Variants in SYNE2 observed in about 807,000 individuals in gnomAD.
SYNE2 encodes the protein nesprin-2.
A neutral mutation model predicts 856.3 loss-of-function variants in SYNE2; 431 were observed. The observed-to-expected ratio is 0.50, with a 90% confidence interval of 0.47 to 0.55. SYNE2 has a LOEUF of 0.55. Among genes scored for constraint, SYNE2 ranks in the 20% least tolerant of loss-of-function variants. The pLI is 0.00. For synonymous variants in SYNE2, 2,923 were observed against 2,872.3 expected (o/e 1.02, Z -0.56); for missense variants, 8,129 against 8,023.2 (o/e 1.01, Z -0.50).
chr14:63,850,176 G>C (rs371149146), upstream of SYNE2, among the ~76,000 whole-genome samples: 5 of 150,796 alleles, frequency 3.3e-5, no homozygotes, highest in South Asian at 1.1e-3. Context: ...CTGCCTCCTG[G>C]GTTCAAGCGA....
At chr14:63,948,768 ATGTATGTG>A (rs1292225876) in intron 6 of SYNE2, among the ~76,000 whole-genome samples, 3 of 48,126 alleles carry the variant, frequency 6.2e-5, no homozygotes, top group African/African-American at 2.3e-4. Context: ...ATGTATATAT[ATGTATGTG>A]TGTGTGTATA....
chr14:63,784,006 C>T (rs1887421464), intron 1 of SYNE2, among the ~76,000 whole-genome samples: 1 of 152,102 alleles, frequency 6.6e-6, no homozygotes, highest in South Asian at 2.1e-4. Context: ...CACAGTTGCC[C>T]TCTATACCTG....
chr14:63,915,487 T>A (rs2095523300), intron 2 of SYNE2, among the ~76,000 whole-genome samples: 1 of 152,156 alleles, frequency 6.6e-6, no homozygotes, highest in East Asian at 1.9e-4. Flanking sequence ...AAAAACAGCA[T>A]CCAGATACAG....
intron 70 of SYNE2, among the ~76,000 whole-genome samples, chr14:64,124,060 C>T (rs7155909): frequency 0.06 from 9,118 of 152,090 alleles, 865 homozygotes; most frequent in African/African-American, 0.21. Context: ...CGAAAATTAG[C>T]TGGCCGTGGT....
chr14:64,078,281 C>G (rs1014571426), intron 54 of SYNE2, among the ~76,000 whole-genome samples, 185 bp from the exon 55 acceptor site: 8 of 152,090 alleles, frequency 5.3e-5, no homozygotes, highest in African/African-American at 1.9e-4. Context: ...GTGAAGTAAA[C>G]ACACCTGCCA....
intron 1 of SYNE2, among the ~76,000 whole-genome samples, chr14:63,827,338 G>A (rs1889471998): frequency 6.9e-6 from 1 of 144,966 alleles, no homozygotes; most frequent in Non-Finnish European, 1.5e-5. Flanking sequence ...ATTAAGAAAT[G>A]TGCAGGCCGG....
chr14:63,940,540 T>C (rs2095898794), intron 2 of SYNE2, 74 bp from the exon 3 acceptor site: 3 of 1,391,644 alleles, frequency 2.2e-6, no homozygotes, highest in Admixed American at 1.7e-5. Flanking sequence ...GTGACAGACC[T>C]TTGAAGCTCT....
chr14:63,861,066 G>A (rs2140164834), intron 1 of SYNE2, among the ~76,000 whole-genome samples: 1 of 152,116 alleles, frequency 6.6e-6, no homozygotes, highest in East Asian at 1.9e-4. Flanking sequence ...TGGGCATAGA[G>A]GATTAGACAA....
chr14:64,212,281 A>G (rs1056963141), intron 104 of SYNE2, among the ~76,000 whole-genome samples, 183 bp downstream of exon 104: 4 of 152,208 alleles, frequency 2.6e-5, no homozygotes, highest in Middle Eastern at 3.2e-3. Context: ...TTTACGGTCC[A>G]GGAGTATGGG....
At chr14:64,075,613 TTTG>T in intron 53 of SYNE2, 5 of 199,956 alleles carry the variant, frequency 2.5e-5, no homozygotes, top group South Asian at 9.5e-5. Context: ...TTTTTTTTTT[TTTG>T]CTGCTTGCAG....
chr14:64,210,149 G>A, intron 103 of SYNE2, 25 bp downstream of exon 103: 1 of 1,610,984 alleles, frequency 6.2e-7, no homozygotes, highest in Non-Finnish European at 8.5e-7. Flanking sequence ...ACCTGGCTCG[G>A]GTGTAGATTT....
At chr14:63,894,565 T>G (rs2095213650) in intron 1 of SYNE2, among the ~76,000 whole-genome samples, 3 of 151,972 alleles carry the variant, frequency 2.0e-5, no homozygotes, top group Non-Finnish European at 2.9e-5. Context: ...GGGAGTGTGC[T>G]GGGGCAGAGG....
chr14:64,115,620 G>A (rs2097848240), intron 66 of SYNE2, among the ~76,000 whole-genome samples: 1 of 152,154 alleles, frequency 6.6e-6, no homozygotes. Context: ...TATTTGGGCT[G>A]CATTTAAAGC....
intron 2 of SYNE2, among the ~76,000 whole-genome samples, chr14:63,920,989 C>T (rs141489626): frequency 2.0e-5 from 3 of 152,066 alleles, no homozygotes; most frequent in African/African-American, 4.8e-5. Context: ...TTGGCATGCA[C>T]CTGTAATCTC....
chr14:64,194,663 TA>T (rs1447808242), intron 99 of SYNE2, among the ~76,000 whole-genome samples: 2 of 152,234 alleles, frequency 1.3e-5, no homozygotes, highest in Non-Finnish European at 2.9e-5. Flanking sequence ...GACAGACAAC[TA>T]AATTACAGAA....
chr14:64,003,628 T>A (rs954167117), intron 30 of SYNE2, among the ~76,000 whole-genome samples: 3 of 152,232 alleles, frequency 2.0e-5, no homozygotes, highest in African/African-American at 7.2e-5. Flanking sequence ...TCCCTTGTCC[T>A]TCTGTGTGTT....
At chr14:63,954,342 G>A (rs376306224) in intron 7 of SYNE2, among the ~76,000 whole-genome samples, 1 of 152,170 alleles carries the variant, frequency 6.6e-6, no homozygotes, top group Admixed American at 6.5e-5. Context: ...ATTTGGTAAT[G>A]AAGGGCATCA....
rs761553039 is a variant in SYNE2, at chr14:64,177,352, A to C, written c.17431-6A>C. On this transcript the variant is annotated splice_region_variant and splice_polypyrimidine_tract_variant and intron_variant, in intron 95 of 115. Transcript: ENST00000555002. The stretch of plus-strand genomic sequence containing the variant: ...ACTTACCAGTTTTAATCTTGTTTTC[A>C]AATAGACCTGGGACCAGTGTGAAAA... 5.0e-6 allele frequency: 8 copies of C among 1,614,204 alleles called. No homozygotes were observed. In the South Asian group the frequency reaches 8.8e-5, roughly 18 times the overall value.
chr14:63,808,582 T>C (rs1264805516), intron 1 of SYNE2: 5 of 152,642 alleles, frequency 3.3e-5, no homozygotes, highest in Non-Finnish European at 7.3e-5. Context: ...CAAGCGAGCC[T>C]GGGGCACCAT....
Sources: allele counts gnomAD v4.1 joint callset (sites outside exome capture counted in the v4.1 genomes callset), GRCh38; gene constraint gnomAD v4.1.1; transcripts MANE v1.5; gene names NCBI Gene and HGNC (gene_info 2026-07-23, HGNC 2026-07-21).